SMPD3: variants seen among roughly 807,000 people sequenced by gnomAD.
SMPD3 encodes the protein nSMase-2.
A neutral mutation model predicts 55.7 loss-of-function variants in SMPD3; 21 were observed. The observed-to-expected ratio is 0.38, with a 90% CI of 0.27 to 0.54. The LOEUF is 0.54. Ranked by LOEUF, SMPD3 falls within the 20% of genes least tolerant of loss-of-function variation. The pLI is 0.80. For synonymous variants in SMPD3, 457 were observed against 404.3 expected (o/e 1.13, Z -1.56); for missense variants, 842 against 899.6 (o/e 0.94, Z 0.82).
At chr16:68,439,665 C>T (rs186269243) in intron 1 of SMPD3, among the ~76,000 whole-genome samples, 6 of 152,316 alleles carry the variant, frequency 3.9e-5, no homozygotes, top group South Asian at 4.2e-4. Flanking sequence ...TACAGTTCAA[C>T]GTGCTCTGTT....
At chr16:68,427,752 T>TG (rs67002357) in intron 1 of SMPD3, among the ~76,000 whole-genome samples, 48,014 of 147,622 alleles carry the variant, frequency 0.33, 9,249 homozygotes, top group East Asian at 0.72. Context: ...TAAAAATGAC[T>TG]GGGGGGGGGT....
chr16:68,442,495 G>A (rs1448953114), intron 1 of SMPD3, among the ~76,000 whole-genome samples: 1 of 152,226 alleles, frequency 6.6e-6, no homozygotes, highest in Non-Finnish European at 1.5e-5. Flanking sequence ...CACAAGAAAT[G>A]TCTGTTGAAT....
intron 8 of SMPD3, 72 bp downstream of exon 8, chr16:68,361,531 T>G: frequency 6.4e-7 from 1 of 1,571,906 alleles, no homozygotes; most frequent in Non-Finnish European, 8.6e-7. Flanking sequence ...AGGGAGCGGC[T>G]GTCGAGAGCT....
intron 1 of SMPD3, among the ~76,000 whole-genome samples, chr16:68,392,896 C>T (rs1050441239): frequency 3.3e-5 from 5 of 149,782 alleles, no homozygotes; most frequent in Non-Finnish European, 5.9e-5. Context: ...AAGCCATATG[C>T]GGACTTAGTG....
intron 1 of SMPD3, among the ~76,000 whole-genome samples, chr16:68,400,665 G>C (rs568288212): frequency 2.6e-5 from 4 of 152,338 alleles, no homozygotes; most frequent in Admixed American, 2.6e-4. Flanking sequence ...ACAGATGGGG[G>C]CATGTTTCAG....
At chr16:68,394,708 G>A (rs1182544097) in intron 1 of SMPD3, among the ~76,000 whole-genome samples, 1 of 152,076 alleles carries the variant, frequency 6.6e-6, no homozygotes, top group East Asian at 1.9e-4. Flanking sequence ...ATTTTCTCTT[G>A]TTCCCCAAAA....
chr16:68,367,855 G>A (rs1200338981), intron 3 of SMPD3: 3 of 152,262 alleles, frequency 2.0e-5, no homozygotes, highest in East Asian at 1.9e-4. Context: ...GACTGTCAAC[G>A]GAAGAGGTGT....
chr16:68,380,313 C>T (rs1384729891), intron 2 of SMPD3, among the ~76,000 whole-genome samples: 1 of 152,392 alleles, frequency 6.6e-6, no homozygotes, highest in South Asian at 2.1e-4. Context: ...GAGCCCAAGA[C>T]AGAGAGGAGG....
At chr16:68,379,749 C>T (rs1287154165) in intron 2 of SMPD3, among the ~76,000 whole-genome samples, 1 of 152,252 alleles carries the variant, frequency 6.6e-6, no homozygotes, top group Non-Finnish European at 1.5e-5. Flanking sequence ...AAACTTTTCA[C>T]AGGAGGTATT....
intron 1 of SMPD3, among the ~76,000 whole-genome samples, chr16:68,411,150 G>A (rs767652670): frequency 1.3e-5 from 2 of 152,262 alleles, no homozygotes; most frequent in Non-Finnish European, 2.9e-5. Context: ...GGCAAAGCAG[G>A]CCGGGGTCAG....
chr16:68,374,656 T>C (rs528328157), intron 2 of SMPD3, among the ~76,000 whole-genome samples: 1 of 152,268 alleles, frequency 6.6e-6, no homozygotes, highest in East Asian at 1.9e-4. Flanking sequence ...ATCCCAGCAA[T>C]TGCTGCAAGA....
At chr16:68,406,558 A>C (rs73557004) in intron 1 of SMPD3, among the ~76,000 whole-genome samples, 267 of 152,224 alleles carry the variant, frequency 1.8e-3, no homozygotes, top group African/African-American at 5.7e-3. Flanking sequence ...GGTCCAGCTG[A>C]GGATTGCTGC....
Position 68,416,411 on chromosome 16 carries a change from C to G in SMPD3, c.-268-29752G>C, listed in dbSNP as rs552391684. On this transcript the variant is annotated intron_variant, in intron 1 of 8. Coordinates refer to ENST00000219334, the MANE Select transcript of SMPD3 (RefSeq NM_018667.4). Reference sequence around the variant, plus strand: ...ACTTCCCGTCCCACTCTTCCCTCCACAAATCATTGCCACCGCCCAGCTGGG... The same window carrying G: ...ACTTCCCGTCCCACTCTTCCCTCCAGAAATCATTGCCACCGCCCAGCTGGG... 2.7e-4 allele frequency among the ~76,000 whole-genome samples: 41 copies of G among 152,350 alleles called. No homozygotes were observed. In the Middle Eastern group the frequency reaches 0.024, roughly 88 times the overall value.
rs200081668 is a variant in SMPD3, at chr16:68,371,449, C to G, written c.733G>C (p.Val245Leu). Residue 245 changes from valine to leucine, a missense_variant, in exon 3 of 9, where the codon GTG becomes CTG. Physicochemically the swap from Val to Leu is conservative, Grantham distance 32. This residue lies in a region of SMPD3 where 649 missense variants were observed against 643.6 expected (regional missense o/e 1.01). Transcript: ENST00000219334. ...DSSSPEDACIVRIGGEEGGRP... is the reference protein window; with the variant it reads ...DSSSPEDACILRIGGEEGGRP... ...CCGCCCTCCTCGCCACCGATGCGCA[C>G]GATGCAGGCATCCTCCGGGCTGCTG... The G allele has an allele frequency of 3.8e-6, 6 of 1,589,340 alleles. No homozygotes were observed. In the South Asian group the frequency reaches 4.5e-5, roughly 12 times the overall value.
intron 1 of SMPD3, among the ~76,000 whole-genome samples, chr16:68,390,257 T>A (rs138453502): frequency 6.6e-6 from 1 of 152,260 alleles, no homozygotes; most frequent in African/African-American, 2.4e-5. Flanking sequence ...TTGTTCACCA[T>A]CTTGCTTTTG....
chr16:68,413,920 C>G (rs1022980535), intron 1 of SMPD3, among the ~76,000 whole-genome samples: 5 of 152,198 alleles, frequency 3.3e-5, no homozygotes, highest in Admixed American at 6.5e-5. Context: ...CTGTCAAGGT[C>G]TGGGTGGGTG....
intron 3 of SMPD3, among the ~76,000 whole-genome samples, chr16:68,365,861 C>T (rs2089463800): frequency 6.6e-6 from 1 of 152,166 alleles, no homozygotes; most frequent in Admixed American, 6.5e-5. Flanking sequence ...AGCATCTCCA[C>T]TGTACCCTGC....
chr16:68,409,573 G>A (rs574452476), intron 1 of SMPD3, among the ~76,000 whole-genome samples: 1 of 152,336 alleles, frequency 6.6e-6, no homozygotes, highest in East Asian at 1.9e-4. Flanking sequence ...GCCCGACTCA[G>A]ATGCACTTGG....
chr16:68,438,858 T>C (rs909379301), intron 1 of SMPD3, among the ~76,000 whole-genome samples: 7 of 152,164 alleles, frequency 4.6e-5, no homozygotes, highest in Non-Finnish European at 1.0e-4. Flanking sequence ...GTGATCTCAG[T>C]GGTTAAGAAC....
Sources: allele counts gnomAD v4.1 joint callset (sites outside exome capture counted in the v4.1 genomes callset), GRCh38; gene constraint gnomAD v4.1.1; regional missense constraint gnomAD v4.1.1; transcripts MANE v1.5; gene names NCBI Gene and HGNC (gene_info 2026-07-23, HGNC 2026-07-21).